Variants in CDC6 observed in about 807,000 individuals in gnomAD.
CDC6 encodes DNA replication factor CDC6.
CDC6 carries 46 observed loss-of-function variants against 60.2 expected under a neutral mutation model. The observed-to-expected ratio is 0.76, with a 90% CI of 0.60 to 0.98. The LOEUF (loss-of-function observed/expected upper bound fraction) is 0.98. CDC6 is among the 50% of genes least tolerant of loss of function. The pLI is 0.00. For missense variants in CDC6, 596 were observed against 652.9 expected (o/e 0.91, Z 0.95); for synonymous variants, 210 against 233.2 (o/e 0.90, Z 0.90).
intron 6 of CDC6, 131 bp downstream of exon 6, chr17:40,294,187 T>G: frequency 1.1e-6 from 1 of 930,958 alleles, no homozygotes; most frequent in Admixed American, 1.8e-5. Flanking sequence ...GTTAAATGAC[T>G]ATGTACATCT....
intron 1 of CDC6, among the ~76,000 whole-genome samples, chr17:40,288,488 G>A (rs2032695881): frequency 6.6e-6 from 1 of 151,846 alleles, no homozygotes; most frequent in Non-Finnish European, 1.5e-5. Context: ...GTGCGATCTC[G>A]GCTCACTGCA....
rs900926185 is a variant in CDC6, at chr17:40,302,205, G to C, written c.*204G>C. On this transcript the variant is annotated 3_prime_UTR_variant, in exon 12 of 12. Coordinates refer to ENST00000209728, the MANE Select transcript of CDC6 (RefSeq NM_001254.4). ...CTATTTTTACCCATAAAAGTGACCA[G>C]GTAGACCCTTTTTAATTACATTCAC... 5.2e-6 allele frequency: 3 copies of C among 574,618 alleles called. No homozygotes were observed. Among genetic ancestry groups the C allele is most frequent in the African/African-American group, 3.7e-5 (2 of 53,348 alleles). 35.6% of individuals were successfully genotyped at this position (574,618 alleles called of 1,614,324 possible). A position where few individuals can be genotyped will look rare whatever the true frequency, so the allele number is the denominator to read the frequency against.
At chr17:40,296,157 CT>C (rs897316379) in intron 8 of CDC6, among the ~76,000 whole-genome samples, 2 of 152,112 alleles carry the variant, frequency 1.3e-5, no homozygotes, top group African/African-American at 4.8e-5. Flanking sequence ...AAAGTTTCCC[CT>C]AATCAGCAAA....
chr17:40,292,354 G>A (rs1316814756), intron 4 of CDC6, among the ~76,000 whole-genome samples: 1 of 151,806 alleles, frequency 6.6e-6, no homozygotes, highest in Non-Finnish European at 1.5e-5. Context: ...AAGAGGGCTA[G>A]GCACGGTGGC....
chr17:40,288,747 G>C (rs2032703140), intron 1 of CDC6, among the ~76,000 whole-genome samples: 1 of 152,170 alleles, frequency 6.6e-6, no homozygotes, highest in Admixed American at 6.5e-5. Flanking sequence ...ACCACGCCCG[G>C]CTAATTTTTT....
intron 11 of CDC6, 63 bp downstream of exon 11, chr17:40,301,671 A>G (rs2032942624): frequency 1.3e-6 from 2 of 1,548,742 alleles, no homozygotes; most frequent in African/African-American, 1.4e-5. Context: ...ATGCTAAAGT[A>G]AAGGTTTATT....
chr17:40,291,594 G>A lies in CDC6; in HGVS notation c.586G>A (p.Gly196Arg). 1 of 1,614,190 alleles carries A rather than the reference G, an allele frequency of 6.2e-7. No homozygotes were observed. The highest frequency in any genetic ancestry group is 8.5e-7 in the Non-Finnish European group (1 of 1,180,028). ...GGAACACATCTGTGGGAAAAAAGCT[G>A]GAAGCCTTTACCTTTCTGGTGCTCC... is the stretch of plus-strand genomic sequence containing the variant. ...LREHICGKKA[G>R]SLYLSGAPGT... Residue 196 changes from glycine to arginine, a missense_variant, in exon 4 of 12, where the codon GGA (glycine) becomes AGA (arginine). Coordinates refer to ENST00000209728, the MANE Select transcript of CDC6 (RefSeq NM_001254.4).
At chr17:40,291,772 G>T in intron 4 of CDC6, 104 bp downstream of exon 4, 1 of 1,207,586 alleles carries the variant, frequency 8.3e-7, no homozygotes, top group Non-Finnish European at 1.2e-6. Context: ...TTGAGACGGA[G>T]TCTCGCTCTG....
chr17:40,292,216 A>G (rs1400034996), intron 4 of CDC6, among the ~76,000 whole-genome samples: 3 of 151,992 alleles, frequency 2.0e-5, no homozygotes, highest in Admixed American at 6.5e-5. Flanking sequence ...TTTTGTAGAG[A>G]CAGGGTTTCA....
chr17:40,294,205 T>C (rs1045620074), intron 6 of CDC6, 149 bp downstream of exon 6: 10 of 902,590 alleles, frequency 1.1e-5, no homozygotes, highest in East Asian at 1.0e-4. Flanking sequence ...TCTTACCTAA[T>C]AGATACATCT....
rs199655307 is a variant in CDC6, at chr17:40,293,983, C to G, written c.870C>G (p.Asp290Glu). The G allele has an allele frequency of 1.2e-6, 2 of 1,614,000 alleles. No homozygotes were observed. The highest frequency in any genetic ancestry group is 2.7e-5 in the African/African-American group (2 of 75,040). ...TATTGGACGAGATGGATCAACTGGA[C>G]AGCAAAGGCCAGGATGTATTGTACA... ...VLVLDEMDQL[D>E]SKGQDVLYTL... Residue 290 changes from aspartate (D) to glutamate (E), a missense_variant, in exon 6 of 12, where the codon GAC becomes GAG. Coordinates refer to ENST00000209728, the MANE Select transcript of CDC6 (RefSeq NM_001254.4).
intron 1 of CDC6, 132 bp downstream of exon 1, chr17:40,288,222 T>C (rs2032691872): frequency 6.5e-6 from 1 of 153,002 alleles, no homozygotes; most frequent in East Asian, 1.9e-4. Flanking sequence ...GAAGGAAATA[T>C]TCTGGGGTGC....
chr17:40,300,919 C>G lies in CDC6; in HGVS notation c.1341C>G (p.Thr447=). ...VISEVDGNRM[T]LSQEGAQDSF... ...CAGAAGTTGATGGTAACAGGATGACCTTGAGCCAAGAAGGAGCACAAGATT... is the reference window on the plus strand; with the variant it reads ...CAGAAGTTGATGGTAACAGGATGACGTTGAGCCAAGAAGGAGCACAAGATT... The change falls in exon 10 of 12, where the codon ACC becomes ACG. Residue 447 remains threonine, a synonymous_variant. Coordinates refer to ENST00000209728, the MANE Select transcript of CDC6 (RefSeq NM_001254.4). 6.2e-7 allele frequency: 1 copy of G among 1,613,968 alleles called. No homozygotes were observed. Among genetic ancestry groups the G allele is most frequent in the Non-Finnish European group, 8.5e-7 (1 of 1,179,856 alleles).
intron 9 of CDC6, among the ~76,000 whole-genome samples, chr17:40,300,508 A>G (rs2032923960): frequency 6.6e-6 from 1 of 152,148 alleles, no homozygotes; most frequent in Non-Finnish European, 1.5e-5. Context: ...AAAATACAGT[A>G]GTTCTCTGGT....
At position 40,300,815 on chromosome 17, in the gene CDC6, A is replaced by G. The variant is rs374506503; in HGVS notation, c.1250-13A>G. 4 of 1,602,588 alleles carry G rather than the reference A, an allele frequency of 2.5e-6. No homozygotes were observed. The African/African-American group carries it at 4.0e-5, about 16-fold the overall frequency. ...TTAGAAATCGAATTAAGCTTGGCTT[A>G]TTTACTTTATAGGTAAATCACCTTC... On this transcript the variant is annotated splice_polypyrimidine_tract_variant and intron_variant, in intron 9 of 11. Transcript: ENST00000209728.
chr17:40,294,614 A>G, intron 7 of CDC6, 111 bp downstream of exon 7: 2 of 974,350 alleles, frequency 2.1e-6, no homozygotes, highest in East Asian at 2.4e-5. Context: ...TAATGGAGCA[A>G]GGAGTTCCTA....
intron 2 of CDC6, among the ~76,000 whole-genome samples, chr17:40,290,233 G>A (rs2032732761): frequency 6.6e-6 from 1 of 152,148 alleles, no homozygotes; most frequent in Non-Finnish European, 1.5e-5. Context: ...GAAATTAAAA[G>A]AAACAAAAAC....
chr17:40,291,248 A>G lies in CDC6; in HGVS notation c.369A>G (p.Ser123=), dbSNP rs758386352. Residue 123 remains serine (S), a synonymous_variant, in exon 3 of 12, where the codon TCA becomes TCG. Transcript: ENST00000209728. ...TTCACCAAAACAAAATACTTTCTTC[A>G]GTTAGAAAAAGTCAAGAGATCACAA... The part of the protein sequence containing the change: ...AKVHQNKILS[S]VRKSQEITTN... 1.2e-6 allele frequency: 2 copies of G among 1,614,214 alleles called. No homozygotes were observed. Among genetic ancestry groups the G allele is most frequent in the South Asian group, 2.2e-5 (2 of 91,086 alleles).
In CDC6 at chr17:40,301,628, A is replaced by G; in HGVS notation, c.1593+20A>G. ...ACAAAGGTACAACTGCTTTTTTGTG[A>G]CAGTGTTTTTAATTGTCCTATTTTG... is the stretch of plus-strand genomic sequence containing the variant. On this transcript the variant is annotated intron_variant, in intron 11 of 11. Coordinates refer to ENST00000209728, the MANE Select transcript of CDC6 (RefSeq NM_001254.4). 1 of 1,612,948 alleles carries G rather than the reference A, an allele frequency of 6.2e-7. No homozygotes were observed. The highest frequency in any genetic ancestry group is 8.5e-7 in the Non-Finnish European group (1 of 1,178,948).
Sources: gnomAD v4.1 joint callset for allele counts (sites outside exome capture counted in the v4.1 genomes callset) on GRCh38, gnomAD v4.1.1 for gene constraint, MANE v1.5 for transcripts, NCBI Gene and HGNC (gene_info 2026-07-23, HGNC 2026-07-21) for gene names.